Variants in ASPRV1 observed in about 807,000 individuals in gnomAD.
ASPRV1 encodes the protein aspartic peptidase retroviral like 1, also known as retroviral-like aspartic protease 1.
Under a neutral mutation model 11.0 loss-of-function variants are expected in ASPRV1, and 7 were observed. The ratio of observed to expected loss-of-function variants is 0.64; its 90% CI spans 0.36 to 1.20. The LOEUF is 1.20. Among genes scored for constraint, ASPRV1 ranks in the 50% most tolerant of loss-of-function variants. ASPRV1 has a pLI of 0.02. For missense variants in ASPRV1, 299 were observed against 320.0 expected (o/e 0.93, Z 0.50); for synonymous variants, 136 against 138.4 (o/e 0.98, Z 0.12).
chr2:70,020,265 G>A, the ASPRV1 span, among the ~76,000 whole-genome samples: 2 of 152,112 alleles, frequency 1.3e-5, no homozygotes, highest in African/African-American at 2.4e-5. Flanking sequence ...ATTGAAAGTA[G>A]AGTCCTGAAG....
At chr2:70,055,982 C>A in the ASPRV1 span, 1 of 152,108 alleles carries the variant, frequency 6.6e-6, no homozygotes, top group African/African-American at 2.4e-5. Context: ...AACTATGATG[C>A]ATACATAAAA....
At chr2:69,958,195 A>G (rs959799715), downstream of ASPRV1, among the ~76,000 whole-genome samples, 2 of 151,884 alleles carry the variant, frequency 1.3e-5, no homozygotes, top group African/African-American at 4.8e-5. Context: ...AGCTGTGATC[A>G]CTCTCACCCG....
chr2:70,065,288 G>T, the ASPRV1 span, among the ~76,000 whole-genome samples: 1 of 150,662 alleles, frequency 6.6e-6, no homozygotes, highest in East Asian at 1.9e-4. Flanking sequence ...CTACTCAGGA[G>T]GCTGAGGCAG....
the ASPRV1 span, among the ~76,000 whole-genome samples, chr2:70,005,029 A>T: frequency 6.6e-6 from 1 of 151,902 alleles, no homozygotes; most frequent in African/African-American, 2.4e-5. Flanking sequence ...AGCCCATGCC[A>T]CCCTCACACA....
chr2:69,967,136 A>C, the ASPRV1 span, among the ~76,000 whole-genome samples: 1 of 152,226 alleles, frequency 6.6e-6, no homozygotes, highest in East Asian at 1.9e-4. Context: ...AGGTGGGTTG[A>C]TTCAATTCCA....
At chr2:70,069,294 G>T in the ASPRV1 span, 19 of 152,164 alleles carry the variant, frequency 1.2e-4, no homozygotes, top group African/African-American at 4.1e-4. Flanking sequence ...AACTGAAAGG[G>T]ACTGAAGGGC....
the ASPRV1 span, among the ~76,000 whole-genome samples, chr2:70,018,635 C>T: frequency 2.6e-5 from 4 of 152,088 alleles, no homozygotes; most frequent in Non-Finnish European, 5.9e-5. Context: ...TTACAGTCAA[C>T]TGATTTTCAA....
the ASPRV1 span, among the ~76,000 whole-genome samples, chr2:69,983,725 C>G: frequency 4.6e-5 from 7 of 152,286 alleles, no homozygotes; most frequent in South Asian, 8.3e-4. Flanking sequence ...GTGAGGGATT[C>G]TCATGTGCGG....
chr2:70,073,462 A>G, the ASPRV1 span, among the ~76,000 whole-genome samples: 1 of 152,326 alleles, frequency 6.6e-6, no homozygotes, highest in South Asian at 2.1e-4. Context: ...GCCTCTGTTT[A>G]GAATAAGAGT....
At chr2:69,934,780 T>A in the ASPRV1 span, among the ~76,000 whole-genome samples, 6 of 152,254 alleles carry the variant, frequency 3.9e-5, no homozygotes, top group African/African-American at 1.4e-4. Flanking sequence ...TCATTCTTTT[T>A]GATAGCTACA....
the ASPRV1 span, among the ~76,000 whole-genome samples, chr2:70,072,493 C>T: frequency 3.3e-5 from 5 of 151,750 alleles, no homozygotes; most frequent in Middle Eastern, 3.4e-3. Flanking sequence ...GAGGCCGAGG[C>T]GGGAGGATCA....
the ASPRV1 span, among the ~76,000 whole-genome samples, chr2:69,951,483 G>GTGTGTA: frequency 3.8e-4 from 33 of 86,910 alleles, no homozygotes; most frequent in African/African-American, 1.8e-3. Flanking sequence ...GTGTGTGTGT[G>GTGTGTA]TATATCTATA....
At chr2:70,001,276 C>A in the ASPRV1 span, among the ~76,000 whole-genome samples, 1 of 152,122 alleles carries the variant, frequency 6.6e-6, no homozygotes, top group African/African-American at 2.4e-5. Flanking sequence ...TGCCTATAAT[C>A]CCAGCACTTT....
At chr2:70,012,957 C>T in the ASPRV1 span, among the ~76,000 whole-genome samples, 1 of 152,192 alleles carries the variant, frequency 6.6e-6, no homozygotes, top group East Asian at 1.9e-4. Context: ...TTGTTGCCAA[C>T]TGTAAAATTT....
At chr2:70,083,134 A>G in the ASPRV1 span, among the ~76,000 whole-genome samples, 2 of 152,196 alleles carry the variant, frequency 1.3e-5, no homozygotes, top group African/African-American at 4.8e-5. Flanking sequence ...GGGACAGAAA[A>G]ATAGTAACTG....
At chr2:69,974,229 C>A in the ASPRV1 span, among the ~76,000 whole-genome samples, 1 of 151,778 alleles carries the variant, frequency 6.6e-6, no homozygotes, top group South Asian at 2.1e-4. Flanking sequence ...CCCAGCTACT[C>A]AGGAGGCTGA....
chr2:70,038,656 A>G, the ASPRV1 span, among the ~76,000 whole-genome samples: 1 of 152,232 alleles, frequency 6.6e-6, no homozygotes, highest in African/African-American at 2.4e-5. Context: ...AAGTGAACCC[A>G]GAAGTGATTT....
chr2:70,024,936 T>C, the ASPRV1 span, among the ~76,000 whole-genome samples: 2 of 152,190 alleles, frequency 1.3e-5, no homozygotes, highest in African/African-American at 2.4e-5. Context: ...ACAGATGTCA[T>C]AGCTCTGAGC....
rs375026982 is a variant in ASPRV1 at position 69,960,803 on chromosome 2, G to C, written c.634C>G (p.Leu212Val). 2 of 1,614,156 alleles carry C rather than the reference G, an allele frequency of 1.2e-6. No individual in the cohort carries two copies. The highest frequency in any genetic ancestry group is 1.7e-6 in the Non-Finnish European group (2 of 1,180,022). Residue 212 changes from leucine (L) to valine (V), a missense_variant, in exon 1 of 1, where the codon CTG (leucine) becomes GTG (valine). Transcript: ENST00000320256. The stretch of plus-strand genomic sequence containing the variant: ...GTGCATGTGCGGTGCTCAAAGTCCA[G>C]GATAGCATTGTGGTCCTGGAGCACA... ...TDVLQDHNAI[L>V]DFEHRTCTLK...
Sources: gnomAD v4.1 joint callset for allele counts (sites outside exome capture counted in the v4.1 genomes callset) on GRCh38, gnomAD v4.1.1 for gene constraint, MANE v1.5 for transcripts, NCBI Gene and HGNC (gene_info 2026-07-23, HGNC 2026-07-21) for gene names.